KIF4A: variants seen among roughly 807,000 people sequenced by gnomAD.
KIF4A encodes chromosome-associated kinesin KIF4A.
In KIF4A, 7 loss-of-function variants were observed where a neutral mutation model predicts 105.9. The observed-to-expected ratio is 0.07, with a 90% CI of 0.04 to 0.12. KIF4A has a LOEUF of 0.12. Ranked by LOEUF, KIF4A falls within the 10% of genes least tolerant of loss-of-function variation. The pLI is 1.00. For missense variants in KIF4A, 558 were observed against 929.2 expected (o/e 0.60, Z 5.19); for synonymous variants, 281 against 331.3 (o/e 0.85, Z 1.65).
At chrX:70,366,108 A>T (rs1454977898) in intron 15 of KIF4A, among the ~76,000 whole-genome samples, 5 of 111,188 alleles carry the variant, frequency 4.5e-5, no homozygotes, top group Non-Finnish European at 9.4e-5. Context: ...ATCATTTTTT[A>T]TTGCGTCCAG....
intron 25 of KIF4A, among the ~76,000 whole-genome samples, chrX:70,405,114 G>A (rs749036999): frequency 9.0e-6 from 1 of 111,040 alleles, no homozygotes; most frequent in Non-Finnish European, 1.9e-5. Context: ...AGTTGAGGAA[G>A]TGAAATCATC....
chrX:70,320,419 T>G (rs2085886042), intron 7 of KIF4A, among the ~76,000 whole-genome samples: 5 of 112,048 alleles, frequency 4.5e-5, no homozygotes, highest in Admixed American at 1.9e-4. Context: ...AAATTTGGAA[T>G]CAACCTAAGT....
At chrX:70,319,211 C>T (rs373639741) in intron 7 of KIF4A, among the ~76,000 whole-genome samples, 5 of 111,325 alleles carry the variant, frequency 4.5e-5, no homozygotes, top group East Asian at 5.6e-4. Flanking sequence ...TGCATTGAGC[C>T]GGGATTGCAC....
At chrX:70,314,447 A>G (rs774657309) in intron 7 of KIF4A, among the ~76,000 whole-genome samples, 2 of 112,306 alleles carry the variant, frequency 1.8e-5, no homozygotes, top group Admixed American at 1.9e-4. Flanking sequence ...ATCAAGTGGC[A>G]GATGCCAAGA....
At chrX:70,416,987 C>T (rs2086346880) in intron 28 of KIF4A, among the ~76,000 whole-genome samples, 1 of 112,920 alleles carries the variant, frequency 8.9e-6, no homozygotes, top group African/African-American at 3.2e-5. Flanking sequence ...CCCAGGCTAA[C>T]ACTGGACAAA....
chrX:70,375,428 G>A, intron 17 of KIF4A, 80 bp downstream of exon 17: 2 of 968,767 alleles, frequency 2.1e-6, no homozygotes, highest in South Asian at 4.7e-5. Flanking sequence ...TACTAGAGGT[G>A]TTTTCAGGTG....
intron 10 of KIF4A, 73 bp downstream of exon 10, chrX:70,333,762 G>C: frequency 1.3e-6 from 1 of 742,007 alleles, no homozygotes; most frequent in South Asian, 2.4e-5. Flanking sequence ...TTTTTCCCTG[G>C]TTTCTGCTAG....
chrX:70,316,541 T>TTATGCATATATGTATATTGCATATACATA (rs1452142566), intron 7 of KIF4A, among the ~76,000 whole-genome samples: 168 of 111,607 alleles, frequency 1.5e-3, no homozygotes, highest in African/African-American at 5.0e-3. Flanking sequence ...CATATACATA[T>TTATGCATATATGTATATTGCATATACATA]TATGCATATA....
intron 5 of KIF4A, among the ~76,000 whole-genome samples, chrX:70,300,795 G>A (rs191617173): frequency 4.1e-4 from 46 of 111,930 alleles, no homozygotes; most frequent in Non-Finnish European, 5.3e-4. Context: ...ATTCTTATAA[G>A]GAATTCACCC....
At chrX:70,354,401 T>C (rs1003021949) in intron 15 of KIF4A, among the ~76,000 whole-genome samples, 4 of 112,129 alleles carry the variant, frequency 3.6e-5, no homozygotes, top group African/African-American at 1.3e-4. Context: ...GAAGAATGGG[T>C]TGTTTTCCTG....
chrX:70,331,259 A>C (rs1005842104), intron 9 of KIF4A, among the ~76,000 whole-genome samples: 1 of 111,930 alleles, frequency 8.9e-6, no homozygotes, highest in Non-Finnish European at 1.9e-5. Context: ...GGTCTGAGAT[A>C]GGACAGAAGT....
At chrX:70,324,742 T>C (rs1423731215) in intron 7 of KIF4A, among the ~76,000 whole-genome samples, 5 of 112,098 alleles carry the variant, frequency 4.5e-5, no homozygotes, top group African/African-American at 6.5e-5. Context: ...ACCAATTTTT[T>C]ACTCCCAAGT....
chrX:70,329,649 C>A, intron 8 of KIF4A, 128 bp downstream of exon 8: 2 of 489,356 alleles, frequency 4.1e-6, no homozygotes, highest in Non-Finnish European at 6.8e-6. Flanking sequence ...TTGATAAATA[C>A]GAGAGAGTGC....
At chrX:70,388,049 C>G (rs1165603243) in intron 20 of KIF4A, among the ~76,000 whole-genome samples, 1 of 111,017 alleles carries the variant, frequency 9.0e-6, no homozygotes, top group Admixed American at 9.7e-5. Flanking sequence ...CCCGTCTACT[C>G]CCCATTTCAT....
At chrX:70,333,323 AAAAAAAAAAAAGAAAAG>A (rs1013243894) in intron 9 of KIF4A, among the ~76,000 whole-genome samples, 2 of 108,814 alleles carry the variant, frequency 1.8e-5, no homozygotes, top group Non-Finnish European at 3.8e-5. Context: ...CTGTCTCCAA[AAAAAAAAAAAAGAAAAG>A]AAAAGAAAAA....
intron 15 of KIF4A, among the ~76,000 whole-genome samples, chrX:70,364,063 C>T (rs1484874396): frequency 4.5e-5 from 5 of 112,192 alleles, no homozygotes; most frequent in Non-Finnish European, 9.4e-5. Flanking sequence ...TGTTCATATC[C>T]TTTGACCACT....
At chrX:70,300,697 T>G (rs2085801290) in intron 5 of KIF4A, among the ~76,000 whole-genome samples, 1 of 111,668 alleles carries the variant, frequency 9.0e-6, no homozygotes, top group African/African-American at 3.3e-5. Context: ...GTAAAACTTC[T>G]GAGTGAGGGA....
At chrX:70,413,586 C>T (rs770284244) in intron 28 of KIF4A, among the ~76,000 whole-genome samples, 1 of 102,535 alleles carries the variant, frequency 9.8e-6, no homozygotes, top group Non-Finnish European at 2.0e-5. Flanking sequence ...GCTGAGATCT[C>T]GCCACTGCAC....
chrX:70,301,815 A>AT (rs1488450453), intron 5 of KIF4A, 85 bp from the exon 6 acceptor site: 7 of 1,070,372 alleles, frequency 6.5e-6, no homozygotes, highest in Non-Finnish European at 8.9e-6. Flanking sequence ...CTATCAAGGC[A>AT]TTTTTTTAAA....
Sources: allele counts gnomAD v4.1 joint callset (sites outside exome capture counted in the v4.1 genomes callset), GRCh38; gene constraint gnomAD v4.1.1; transcripts MANE v1.5; gene names NCBI Gene and HGNC (gene_info 2026-07-23, HGNC 2026-07-21).